The following NPAS3 variants were observed in gnomAD, a reference collection of about 807,000 sequenced individuals.
The protein encoded by NPAS3 is neuronal PAS domain-containing protein 3.
A neutral mutation model predicts 73.1 loss-of-function variants in NPAS3; 14 were observed. The observed-to-expected ratio is 0.19, with a 90% CI of 0.13 to 0.30. The LOEUF is 0.30. NPAS3 is among the 10% of genes least tolerant of loss of function. The probability of loss-of-function intolerance (pLI) is 1.00; values close to 1 mark genes in which losing one functional copy is unlikely to be tolerated. For synonymous variants in NPAS3, 620 were observed against 541.5 expected (o/e 1.14, Z -2.01); for missense variants, 1,096 against 1,250.0 (o/e 0.88, Z 1.86).
intron 4 of NPAS3, among the ~76,000 whole-genome samples, chr14:33,547,901 A>G (rs1342724338): frequency 1.3e-5 from 2 of 152,154 alleles, no homozygotes; most frequent in African/African-American, 4.8e-5. Flanking sequence ...AATATCCTAC[A>G]AGTTTGTATA....
At chr14:33,532,438 C>CACTAT (rs2054086788) in intron 4 of NPAS3, among the ~76,000 whole-genome samples, 1 of 152,080 alleles carries the variant, frequency 6.6e-6, no homozygotes, top group East Asian at 1.9e-4. Context: ...ATGGGGCAGA[C>CACTAT]ACTATGCTGA....
intron 3 of NPAS3, among the ~76,000 whole-genome samples, chr14:33,358,264 A>G (rs1001896210): frequency 8.5e-5 from 13 of 152,176 alleles, no homozygotes; most frequent in Non-Finnish European, 1.0e-4. Context: ...AGAATTGTAA[A>G]GTTGGGGTTT....
chr14:33,544,466 T>A (rs1337123298), intron 4 of NPAS3, among the ~76,000 whole-genome samples: 2 of 152,018 alleles, frequency 1.3e-5, no homozygotes, highest in Admixed American at 6.6e-5. Context: ...GATAAGGTCT[T>A]GATCCAGTAG....
chr14:33,345,698 C>T (rs1359321100), intron 3 of NPAS3, among the ~76,000 whole-genome samples: 3 of 152,210 alleles, frequency 2.0e-5, no homozygotes, highest in African/African-American at 7.2e-5. Flanking sequence ...GCCTGGAGCA[C>T]ATGAGCTGGT....
chr14:33,249,810 A>G (rs1394339314), intron 3 of NPAS3, among the ~76,000 whole-genome samples: 3 of 152,056 alleles, frequency 2.0e-5, no homozygotes, highest in African/African-American at 7.2e-5. Context: ...CCACTATTTG[A>G]AAACCTTGCG....
intron 5 of NPAS3, among the ~76,000 whole-genome samples, chr14:33,590,614 C>A (rs1398767012): frequency 1.3e-5 from 2 of 152,062 alleles, no homozygotes; most frequent in African/African-American, 4.8e-5. Flanking sequence ...CAATAATGAG[C>A]TTATTATAAG....
chr14:32,980,521 T>A (rs1162197782), intron 1 of NPAS3, among the ~76,000 whole-genome samples: 3 of 152,216 alleles, frequency 2.0e-5, no homozygotes, highest in African/African-American at 7.2e-5. Flanking sequence ...TATTAATTTT[T>A]TTGTAATGAG....
At chr14:33,167,656 G>T (rs540704053) in intron 2 of NPAS3, among the ~76,000 whole-genome samples, 1 of 152,200 alleles carries the variant, frequency 6.6e-6, no homozygotes, top group Non-Finnish European at 1.5e-5. Flanking sequence ...TCCAGAATTT[G>T]TTCATTCTTG....
chr14:33,203,987 G>A (rs534141411), intron 2 of NPAS3, among the ~76,000 whole-genome samples: 98 of 152,224 alleles, frequency 6.4e-4, no homozygotes, highest in African/African-American at 1.9e-3. Context: ...CACCTGTTGT[G>A]TCCTGACTTT....
chr14:33,266,745 C>T (rs138953612), intron 3 of NPAS3, among the ~76,000 whole-genome samples: 74 of 152,152 alleles, frequency 4.9e-4, no homozygotes, highest in African/African-American at 1.7e-3. Flanking sequence ...TTAAAGACTC[C>T]CCAAGGAAAT....
rs371535984 is a variant in NPAS3 at position 33,789,439 on chromosome 14, C to T, written c.1154-4458C>T. ...GTGCTAGCAGAGATGTTCCCAGTTA[C>T]GTCTGGGACCTTTCAAGATTCTAAG... On this transcript the variant is annotated intron_variant, in intron 9 of 11. Transcript: ENST00000356141. 1.8e-4 allele frequency among the ~76,000 whole-genome samples: 28 copies of T among 152,250 alleles called. 3 individuals are homozygous for T. The East Asian group carries it at 3.9e-3, about 21-fold the overall frequency.
chr14:33,308,643 A>AT (rs2042881576), intron 3 of NPAS3, among the ~76,000 whole-genome samples: 1 of 149,994 alleles, frequency 6.7e-6, no homozygotes, highest in African/African-American at 2.5e-5. Flanking sequence ...TATATATTTT[A>AT]TTTTTTAGTA....
At chr14:33,775,851 T>C (rs1381039620) in intron 8 of NPAS3, among the ~76,000 whole-genome samples, 1 of 152,170 alleles carries the variant, frequency 6.6e-6, no homozygotes, top group Non-Finnish European at 1.5e-5. Flanking sequence ...ATGGCTGGCG[T>C]TTACTGATCA....
intron 5 of NPAS3, among the ~76,000 whole-genome samples, chr14:33,663,601 AAC>A (rs951729557): frequency 1.3e-5 from 2 of 152,002 alleles, no homozygotes; most frequent in African/African-American, 4.8e-5. Context: ...TATTGTTTGG[AAC>A]AGTTTCAGAA....
In NPAS3 at chr14:33,207,439, A is replaced by G. The variant is rs187579574; in HGVS notation, c.141-7743A>G. Among the ~76,000 whole-genome samples the G allele has an allele frequency of 4.0e-3, 614 of 152,326 alleles. 5 individuals are homozygous for G. The highest frequency in any genetic ancestry group is 0.014 in the African/African-American group (569 of 41,582). On this transcript the variant is annotated intron_variant, in intron 2 of 11. Transcript: ENST00000356141. Reference sequence around the variant, plus strand: ...AACTGATTGATTTAATGTACAGGACAGATAAATACTAGAATAGTCCAAATT... The same window carrying G: ...AACTGATTGATTTAATGTACAGGACGGATAAATACTAGAATAGTCCAAATT...
chr14:33,340,465 A>G (rs2044422549), intron 3 of NPAS3, among the ~76,000 whole-genome samples: 1 of 152,262 alleles, frequency 6.6e-6, no homozygotes, highest in South Asian at 2.1e-4. Flanking sequence ...ACTGCACTCC[A>G]GCCTGGGTGA....
At chr14:33,691,194 C>T (rs544184247) in intron 6 of NPAS3, among the ~76,000 whole-genome samples, 1 of 152,248 alleles carries the variant, frequency 6.6e-6, no homozygotes, top group East Asian at 1.9e-4. Flanking sequence ...ATGACCAGAC[C>T]ACCAACAGAA....
At chr14:33,530,868 G>A (rs1341327251) in intron 4 of NPAS3, among the ~76,000 whole-genome samples, 1 of 152,104 alleles carries the variant, frequency 6.6e-6, no homozygotes, top group African/African-American at 2.4e-5. Context: ...TGCTACTGGT[G>A]ATCAGACTTT....
intron 3 of NPAS3, among the ~76,000 whole-genome samples, chr14:33,341,145 G>A (rs899811524): frequency 6.6e-6 from 1 of 152,144 alleles, no homozygotes; most frequent in Non-Finnish European, 1.5e-5. Flanking sequence ...CTAGTGAAAG[G>A]GAATGTAGTG....
Sources: gnomAD v4.1 joint callset for allele counts (sites outside exome capture counted in the v4.1 genomes callset) on GRCh38, gnomAD v4.1.1 for gene constraint, MANE v1.5 for transcripts, NCBI Gene and HGNC (gene_info 2026-07-23, HGNC 2026-07-21) for gene names.